The following UGT1A10 variants were observed in gnomAD, a reference collection of about 807,000 sequenced individuals.
UGT1A10 encodes UDP-glucuronosyltransferase 1A10.
A neutral mutation model predicts 45.8 loss-of-function variants in UGT1A10; 49 were observed. The observed-to-expected ratio is 1.07, with a 90% CI of 0.85 to 1.36. The LOEUF (loss-of-function observed/expected upper bound fraction) is 1.36, where lower values mean the gene tolerates loss of function less well. Ranked by LOEUF, UGT1A10 falls within the 40% of genes most tolerant of loss-of-function variation. UGT1A10 has a pLI of 0.00. For synonymous variants in UGT1A10, 284 were observed against 249.7 expected (o/e 1.14, Z -1.29); for missense variants, 745 against 668.6 (o/e 1.11, Z -1.26).
chr2:233,662,176 T>C (rs747328757), intron 1 of UGT1A10, among the ~76,000 whole-genome samples: 6 of 152,236 alleles, frequency 3.9e-5, no homozygotes, highest in African/African-American at 7.2e-5. Context: ...CTGTAAGTGT[T>C]TGTGTGCATA....
At chr2:233,710,183 T>C (rs1189397959) in intron 1 of UGT1A10, among the ~76,000 whole-genome samples, 1 of 152,232 alleles carries the variant, frequency 6.6e-6, no homozygotes, top group East Asian at 1.9e-4. Context: ...TTGATGGACA[T>C]GTGGATAGTT....
intron 1 of UGT1A10, among the ~76,000 whole-genome samples, chr2:233,694,985 A>T (rs550950022): frequency 2.0e-5 from 3 of 152,288 alleles, no homozygotes; most frequent in Admixed American, 2.0e-4. Context: ...TTATGTTGGG[A>T]ACATTCCCAT....
At chr2:233,719,357 C>T (rs756721140) in intron 1 of UGT1A10, 62 of 1,613,782 alleles carry the variant, frequency 3.8e-5, no homozygotes, top group Non-Finnish European at 4.7e-5. Context: ...TTCCATGTGA[C>T]TTAGACTTTA....
intron 1 of UGT1A10, chr2:233,690,589 A>G (rs1328704294): frequency 2.3e-4 from 77 of 338,396 alleles, no homozygotes; most frequent in Non-Finnish European, 3.2e-4. Flanking sequence ...AATCCCTGAG[A>G]AAAAAAAAAA....
chr2:233,661,196 C>T (rs1442437528), intron 1 of UGT1A10, among the ~76,000 whole-genome samples: 4 of 151,800 alleles, frequency 2.6e-5, no homozygotes. Flanking sequence ...TGAGCGTTCC[C>T]CAACAGTCTG....
intron 1 of UGT1A10, among the ~76,000 whole-genome samples, chr2:233,644,371 C>T (rs2125467626): frequency 6.6e-6 from 1 of 152,204 alleles, no homozygotes; most frequent in African/African-American, 2.4e-5. Context: ...AGTTTGAGAC[C>T]AGCCTGGCCA....
intron 1 of UGT1A10, among the ~76,000 whole-genome samples, chr2:233,718,467 C>A (rs918689439): frequency 1.3e-5 from 2 of 152,224 alleles, no homozygotes; most frequent in African/African-American, 4.8e-5. Flanking sequence ...ACCTCAGCTG[C>A]AGCCTGATAA....
chr2:233,767,212 G>A (rs377453564), intron 2 of UGT1A10, 47 bp downstream of exon 2: 197 of 1,612,180 alleles, frequency 1.2e-4, no homozygotes, highest in Admixed American at 3.0e-4. Context: ...TCACAGGAGC[G>A]CTAATCCCAG....
intron 1 of UGT1A10, among the ~76,000 whole-genome samples, chr2:233,737,114 T>A (rs79657348): frequency 0.021 from 3,211 of 152,324 alleles, 101 homozygotes; most frequent in African/African-American, 0.073. Context: ...TCCCCACATG[T>A]TCAGAAGTTG....
Position 233,769,931 on chromosome 2 carries a change from C to A in UGT1A10, c.1295+1492C>A, listed in dbSNP as rs1699987343. 1 of 247,432 alleles carries A rather than the reference C, an allele frequency of 4.0e-6. No homozygotes were observed. Among genetic ancestry groups the A allele is most frequent in the Admixed American group, 5.3e-5 (1 of 18,974 alleles). The allele number at this position is 247,432 out of a possible 1,614,324, so 15.3% of individuals were successfully genotyped here. A position where few individuals can be genotyped will look rare whatever the true frequency, so the allele number is the denominator to read the frequency against. On this transcript the variant is annotated intron_variant, in intron 4 of 4. Transcript: ENST00000344644. The surrounding 1 kb of genome is among the most constrained non-coding windows in gnomAD (Gnocchi z 4.4). Reference sequence around the variant, plus strand: ...CCCAGAGCGTTGGGTGGTGTGGTCCCATTCCTTCCTTCCAGCGGCTTCTTC... The same window carrying A: ...CCCAGAGCGTTGGGTGGTGTGGTCCAATTCCTTCCTTCCAGCGGCTTCTTC...
chr2:233,761,536 A>C (rs1039884807), intron 1 of UGT1A10, among the ~76,000 whole-genome samples: 1 of 152,248 alleles, frequency 6.6e-6, no homozygotes, highest in Non-Finnish European at 1.5e-5. Context: ...TGATGAAATC[A>C]TTCTTTGATG....
At position 233,772,381 on chromosome 2, in the gene UGT1A10, G is replaced by A. The variant is rs150687296; in HGVS notation, c.1415G>A (p.Arg472His). 6.8e-6 allele frequency: 11 copies of A among 1,614,106 alleles called. No individual in the cohort carries two copies. Among genetic ancestry groups the A allele is most frequent in the Middle Eastern group, 1.6e-4 (1 of 6,084 alleles). Residue 472 changes from arginine (R) to histidine (H), a missense_variant, in exon 5 of 5, where the codon CGC becomes CAC. Transcript: ENST00000344644. The stretch of plus-strand genomic sequence containing the variant: ...AGGCACAAGGGCGCGCCACACCTGC[G>A]CCCCGCAGCCCACGACCTCACCTGG... ...VMRHKGAPHL[R>H]PAAHDLTWYQ...
At chr2:233,764,695 A>C (rs1698624140) in intron 1 of UGT1A10, among the ~76,000 whole-genome samples, 1 of 152,184 alleles carries the variant, frequency 6.6e-6, no homozygotes. Context: ...GAGCACTTGG[A>C]AATGAGCTGT....
At chr2:233,710,185 T>A (rs2076116992) in intron 1 of UGT1A10, among the ~76,000 whole-genome samples, 1 of 152,234 alleles carries the variant, frequency 6.6e-6, no homozygotes, top group Admixed American at 6.5e-5. Flanking sequence ...GATGGACATG[T>A]GGATAGTTTC....
At chr2:233,670,245 GAGA>G (rs2074155218) in intron 1 of UGT1A10, among the ~76,000 whole-genome samples, 1 of 152,216 alleles carries the variant, frequency 6.6e-6, no homozygotes, top group African/African-American at 2.4e-5. Context: ...TGAGTAGGCT[GAGA>G]AGGAGGAAGA....
intron 1 of UGT1A10, among the ~76,000 whole-genome samples, chr2:233,724,736 C>A (rs1232972283): frequency 7.0e-6 from 1 of 142,768 alleles, no homozygotes; most frequent in African/African-American, 2.6e-5. Flanking sequence ...GGCAGAGGGG[C>A]TCCTCACATC....
At chr2:233,727,027 T>C (rs1038616426) in intron 1 of UGT1A10, among the ~76,000 whole-genome samples, 3 of 152,346 alleles carry the variant, frequency 2.0e-5, no homozygotes, top group African/African-American at 7.2e-5. Flanking sequence ...TTTTGTACCC[T>C]AAGGAATCTT....
chr2:233,690,770 C>G, intron 1 of UGT1A10: 7 of 1,084,308 alleles, frequency 6.5e-6, no homozygotes, highest in Non-Finnish European at 8.0e-6. Context: ...TACACACACA[C>G]ACACATACAC....
At chr2:233,730,095 T>G (rs1360215327) in intron 1 of UGT1A10, 1 of 1,591,544 alleles carries the variant, frequency 6.3e-7, no homozygotes, top group Non-Finnish European at 8.5e-7. Context: ...TCTTTCCAAA[T>G]ATTTCATTTC....
Sources: gnomAD v4.1 joint callset for allele counts (sites outside exome capture counted in the v4.1 genomes callset) on GRCh38, gnomAD v4.1.1 for gene constraint, Gnocchi (gnomAD v3.1) non-coding constraint, MANE v1.5 for transcripts, NCBI Gene and HGNC (gene_info 2026-07-23, HGNC 2026-07-21) for gene names.